Variants in AP1G1 observed in about 807,000 individuals in gnomAD.
AP1G1 encodes the protein adaptor related protein complex 1 subunit gamma 1.
A neutral mutation model predicts 108.3 loss-of-function variants in AP1G1; 7 were observed. The observed-to-expected ratio is 0.06, with a 90% CI of 0.04 to 0.12. The LOEUF (loss-of-function observed/expected upper bound fraction) is 0.12, where lower values mean the gene tolerates loss of function less well. Ranked by LOEUF, AP1G1 falls within the 10% of genes least tolerant of loss-of-function variation. AP1G1 has a pLI of 1.00. For missense variants in AP1G1, 756 were observed against 1,010.7 expected, an observed-to-expected ratio of 0.75 and a Z score of 3.42; for synonymous variants, 379 against 353.5, an observed-to-expected ratio of 1.07 and a Z score of -0.81.
chr16:71,760,991 A>T (rs939908884), intron 10 of AP1G1, among the ~76,000 whole-genome samples: 1 of 152,250 alleles, frequency 6.6e-6, no homozygotes, highest in Non-Finnish European at 1.5e-5. Context: ...GCTAGAGTTC[A>T]CAAAGACATT....
intron 21 of AP1G1, 36 bp downstream of exon 21, chr16:71,738,906 A>C (rs1483761979): frequency 1.3e-6 from 2 of 1,559,588 alleles, no homozygotes; most frequent in South Asian, 1.2e-5. Context: ...GCCAATCTTT[A>C]ATCAAAGGAA....
At chr16:71,779,354 A>AG (rs1403020105) in intron 2 of AP1G1, among the ~76,000 whole-genome samples, 1 of 149,432 alleles carries the variant, frequency 6.7e-6, no homozygotes, top group South Asian at 2.1e-4. Context: ...TTTGGGGAGT[A>AG]GGGGGGAGAG....
In AP1G1 at chr16:71,745,526, G is replaced by A; in HGVS notation, c.1819C>T (p.Pro607Ser). 1 of 1,614,174 alleles carries A rather than the reference G, an allele frequency of 6.2e-7. No homozygotes were observed. Among genetic ancestry groups the A allele is most frequent in the Non-Finnish European group, 8.5e-7 (1 of 1,180,018 alleles). ...GGCGGTTTGGTCTCTAGTGGAGCTG[G>A]TTCTGTCTCTCCATTTGTCTGCACA... Reference protein sequence around the residue: ...EIVQTNGETEPAPLETKPPPS... With the variant: ...EIVQTNGETESAPLETKPPPS... The change falls in exon 18 of 23, where the codon CCA becomes TCA. Residue 607 changes from proline to serine, a missense_variant. Physicochemically the swap from Pro to Ser is moderately conservative, Grantham distance 74 (BLOSUM62 -1). Transcript: ENST00000299980.
At chr16:71,782,082 G>A (rs954189272) in intron 2 of AP1G1, among the ~76,000 whole-genome samples, 16 of 152,200 alleles carry the variant, frequency 1.1e-4, no homozygotes, top group African/African-American at 3.1e-4. Flanking sequence ...ACAGCTCTAA[G>A]AAGAAACTTC....
chr16:71,750,789 A>C (rs1316793465), intron 13 of AP1G1, among the ~76,000 whole-genome samples: 2 of 152,164 alleles, frequency 1.3e-5, no homozygotes, highest in South Asian at 4.1e-4. Context: ...TCTCAGGTTC[A>C]TAACAGCTCA....
In AP1G1 at chr16:71,807,397, A is replaced by G. The variant is rs951233706; in HGVS notation, c.-4+1366T>C. 2.6e-5 allele frequency among the ~76,000 whole-genome samples: 4 copies of G among 152,360 alleles called. No homozygotes were observed. The South Asian group carries it at 8.3e-4, about 32-fold the overall frequency. ...CAGTGAGCCGAGACCGTGCCACTGC[A>G]CTCCAGCCTGGAGACAGAGGGAGAC... On this transcript the variant is annotated intron_variant, in intron 1 of 22. Transcript: ENST00000299980.
intron 7 of AP1G1, among the ~76,000 whole-genome samples, chr16:71,765,006 A>C (rs1216459938): frequency 6.6e-6 from 1 of 152,254 alleles, no homozygotes; most frequent in Non-Finnish European, 1.5e-5. Context: ...CTGCAGAGCT[A>C]TATTAAATAA....
intron 6 of AP1G1, 67 bp from the exon 7 acceptor site, chr16:71,765,651 C>T: frequency 7.5e-7 from 1 of 1,335,134 alleles, no homozygotes; most frequent in Non-Finnish European, 1.1e-6. Flanking sequence ...TAAGCAGGTC[C>T]TTTGGTTTAG....
chr16:71,731,179 C>A lies in AP1G1; in HGVS notation c.*1879G>T, dbSNP rs1458795698. 2.0e-5 allele frequency: 3 copies of A among 152,472 alleles called. No individual in the cohort carries two copies. The highest frequency in any genetic ancestry group is 4.4e-5 in the Non-Finnish European group (3 of 68,032). The allele number at this position is 152,472 out of a possible 1,614,324, so 9.4% of individuals were successfully genotyped here. A position where few individuals can be genotyped will look rare whatever the true frequency, so the allele number is the denominator to read the frequency against. On this transcript the variant is annotated 3_prime_UTR_variant, in exon 23 of 23. Transcript: ENST00000299980. ...GCAGTTGTCTGAAATATGCACTAGT[C>A]CACACTTACATTACTGAAAACTATG...
chr16:71,768,936 A>AAAG (rs1555554362), intron 6 of AP1G1, among the ~76,000 whole-genome samples: 1 of 121,378 alleles, frequency 8.2e-6, no homozygotes, highest in Non-Finnish European at 1.7e-5. Flanking sequence ...AAAAAAAAAA[A>AAAG]AAAAGAAAAG....
chr16:71,808,025 T>G lies in AP1G1; in HGVS notation c.-4+738A>C, dbSNP rs112000609. Reference sequence around the variant, plus strand: ...CTTCATAAACATTACCCTGAGCGAGTGGTTCGATGGATCTCCTACACCGAG... The same window carrying G: ...CTTCATAAACATTACCCTGAGCGAGGGGTTCGATGGATCTCCTACACCGAG... On this transcript the variant is annotated intron_variant, in intron 1 of 22. Transcript: ENST00000299980. 4.0e-5 allele frequency: 48 copies of G among 1,200,946 alleles called. 1 individual carries two copies. The African/African-American group carries it at 4.1e-4, about 10-fold the overall frequency. 74.4% of individuals were successfully genotyped at this position (1,200,946 alleles called of 1,614,324 possible).
chr16:71,784,598 G>T (rs1404754511), intron 2 of AP1G1, among the ~76,000 whole-genome samples: 1 of 151,976 alleles, frequency 6.6e-6, no homozygotes, highest in Non-Finnish European at 1.5e-5. Context: ...TCGCTTTGTC[G>T]CCCAGGCTGG....
At chr16:71,765,781 T>C (rs1276115077) in intron 6 of AP1G1, 197 bp from the exon 7 acceptor site, 1 of 503,208 alleles carries the variant, frequency 2.0e-6, no homozygotes, top group African/African-American at 2.0e-5. Context: ...AGTATGTATT[T>C]TATCTGGATA....
intron 1 of AP1G1, among the ~76,000 whole-genome samples, chr16:71,792,360 T>C (rs1389551788): frequency 6.6e-6 from 1 of 152,162 alleles, no homozygotes; most frequent in Non-Finnish European, 1.5e-5. Flanking sequence ...TTAACATATG[T>C]GGAGAAGGGC....
intron 15 of AP1G1, 143 bp from the exon 16 acceptor site, chr16:71,748,521 G>GT: frequency 9.9e-7 from 1 of 1,006,860 alleles, no homozygotes; most frequent in Non-Finnish European, 1.4e-6. Flanking sequence ...CTTTGCCAGG[G>GT]TAACTGTCCA....
At chr16:71,739,649 G>A (rs2045593116) in intron 19 of AP1G1, among the ~76,000 whole-genome samples, 1 of 151,580 alleles carries the variant, frequency 6.6e-6, no homozygotes, top group Non-Finnish European at 1.5e-5. Context: ...CTACTTGGGA[G>A]ACTGCAGTGG....
rs992551367 is a variant in AP1G1, at chr16:71,756,276, G to A, written c.1089-117C>T. On this transcript the variant is annotated intron_variant, in intron 11 of 22. Coordinates refer to ENST00000299980, the MANE Select transcript of AP1G1 (RefSeq NM_001128.6). ...GCCAGATGTGCTGACGTCCTTGCAC[G>A]ATCTTGTGATCCCAATCTTTGCACA... 54 of 784,906 alleles carry A rather than the reference G, an allele frequency of 6.9e-5. No individual in the cohort carries two copies. In the East Asian group the frequency reaches 9.0e-4, roughly 13 times the overall value. 48.6% of individuals were successfully genotyped at this position (784,906 alleles called of 1,614,324 possible). A position where few individuals can be genotyped will look rare whatever the true frequency, so the allele number is the denominator to read the frequency against.
In AP1G1 at chr16:71,731,265, C is replaced by G. The variant is rs1244903321; in HGVS notation, c.*1793G>C. On this transcript the variant is annotated 3_prime_UTR_variant, in exon 23 of 23. Transcript: ENST00000299980. ...ATTTACCCAGTGGAGTAAGTTTTAGCAGATCTTGCTCATACACACTAGTAA... is the reference window on the plus strand; with the variant it reads ...ATTTACCCAGTGGAGTAAGTTTTAGGAGATCTTGCTCATACACACTAGTAA... The G allele has an allele frequency of 5.9e-5, 9 of 152,682 alleles. No individual in the cohort carries two copies. The South Asian group carries it at 1.2e-3, about 21-fold the overall frequency. 9.5% of individuals were successfully genotyped at this position (152,682 alleles called of 1,614,324 possible).
At chr16:71,799,266 T>G (rs894396311) in intron 1 of AP1G1, among the ~76,000 whole-genome samples, 1 of 152,184 alleles carries the variant, frequency 6.6e-6, no homozygotes, top group Non-Finnish European at 1.5e-5. Context: ...TAAAATATAT[T>G]TCTCTGTTAA....
Sources: allele counts gnomAD v4.1 joint callset (sites outside exome capture counted in the v4.1 genomes callset), GRCh38; gene constraint gnomAD v4.1.1; transcripts MANE v1.5; gene names NCBI Gene and HGNC (gene_info 2026-07-23, HGNC 2026-07-21).